PCDHA11: variants seen among roughly 807,000 people sequenced by gnomAD.
PCDHA11 encodes the protein protocadherin alpha-11.
PCDHA11 carries 61 observed loss-of-function variants against 70.3 expected under a neutral mutation model. The ratio of observed to expected loss-of-function variants is 0.87; its 90% CI spans 0.71 to 1.07. PCDHA11 has a LOEUF of 1.07. Among genes scored for constraint, PCDHA11 ranks in the 50% least tolerant of loss-of-function variants. The pLI, the probability that PCDHA11 is intolerant of heterozygous loss-of-function variation, is 0.00. For missense variants in PCDHA11, 1,324 were observed against 1,237.5 expected (o/e 1.07, Z -1.05); for synonymous variants, 633 against 555.1 (o/e 1.14, Z -1.97).
chr5:140,989,127 A>G (rs914524582), intron 3 of PCDHA11: 2 of 152,216 alleles, frequency 1.3e-5, no homozygotes, highest in Non-Finnish European at 2.9e-5. Context: ...TAGAAAAATA[A>G]GACACTTTAT....
At chr5:140,893,318 T>C (rs1329749503) in intron 1 of PCDHA11, among the ~76,000 whole-genome samples, 2 of 152,170 alleles carry the variant, frequency 1.3e-5, no homozygotes, top group African/African-American at 2.4e-5. Context: ...TTTGAGGGAC[T>C]CCCATACTGT....
rs1554225842 is a variant in PCDHA11 at position 140,962,164 on chromosome 5, C to T, written c.2392-16785C>T. Among the ~76,000 whole-genome samples the T allele has an allele frequency of 2.0e-5, 3 of 152,236 alleles. No individual in the cohort carries two copies. In the South Asian group the frequency reaches 6.2e-4, roughly 32 times the overall value. On this transcript the variant is annotated intron_variant, in intron 1 of 3. Transcript: ENST00000398640. ...TGCTGGGATTACAGGCGTGAGCCAC[C>T]ACACCCGGCCACTTATATCACTTTT...
chr5:140,921,721 C>A (rs2080351320), intron 1 of PCDHA11, among the ~76,000 whole-genome samples: 2 of 152,068 alleles, frequency 1.3e-5, no homozygotes, highest in African/African-American at 4.8e-5. Context: ...ACACGAATTA[C>A]TCCCATAAAA....
rs187844001 is a variant in PCDHA11 at position 140,981,487 on chromosome 5, T to C, written c.2451-988T>C. On this transcript the variant is annotated intron_variant, in intron 2 of 3. Coordinates refer to ENST00000398640, the MANE Select transcript of PCDHA11 (RefSeq NM_018902.5). ...TACTTGGGAGGCTGAGGCAGGAGAA[T>C]TGCTTGAACCTGGGAGGCAGAGGTT... Among the ~76,000 whole-genome samples the C allele has an allele frequency of 5.5e-3, 843 of 152,250 alleles. 8 individuals carry two copies. Among genetic ancestry groups the C allele is most frequent in the African/African-American group, 0.019 (806 of 41,542 alleles).
At chr5:140,894,717 A>G (rs1349709964) in intron 1 of PCDHA11, among the ~76,000 whole-genome samples, 1 of 151,920 alleles carries the variant, frequency 6.6e-6, no homozygotes, top group Non-Finnish European at 1.5e-5. Flanking sequence ...GTTGTTTTCA[A>G]ATATTACGTA....
intron 1 of PCDHA11, among the ~76,000 whole-genome samples, chr5:140,945,576 T>G (rs1383348275): frequency 6.6e-6 from 1 of 152,064 alleles, no homozygotes; most frequent in African/African-American, 2.4e-5. Context: ...ACTACCTGGC[T>G]TCAAAATATA....
intron 2 of PCDHA11, among the ~76,000 whole-genome samples, chr5:140,981,529 G>A (rs1014315292): frequency 3.9e-5 from 6 of 152,196 alleles, no homozygotes; most frequent in East Asian, 1.9e-4. Flanking sequence ...AGCTGAGATC[G>A]TGCCACTGTA....
chr5:140,940,510 G>T (rs1477590604), intron 1 of PCDHA11, among the ~76,000 whole-genome samples: 1 of 151,778 alleles, frequency 6.6e-6, no homozygotes, highest in Non-Finnish European at 1.5e-5. Context: ...TCGCTCAGGC[G>T]TGATCATAGC....
In PCDHA11 at chr5:141,010,896, A is replaced by G. The variant is rs1433932699; in HGVS notation, c.*959A>G. 6.5e-6 allele frequency: 1 copy of G among 153,790 alleles called. No individual in the cohort carries two copies. The highest frequency in any genetic ancestry group is 1.5e-5 in the Non-Finnish European group (1 of 68,052). The allele number at this position is 153,790 out of a possible 1,614,324, so 9.5% of individuals were successfully genotyped here. A position where few individuals can be genotyped will look rare whatever the true frequency, so the allele number is the denominator to read the frequency against. Reference sequence around the variant, plus strand: ...ATCTTTAAAGAGAAATATGAATACAATTCCCCTAAACTCTCCTCAAAAGAG... The same window carrying G: ...ATCTTTAAAGAGAAATATGAATACAGTTCCCCTAAACTCTCCTCAAAAGAG... On this transcript the variant is annotated 3_prime_UTR_variant, in exon 4 of 4. Coordinates refer to ENST00000398640, the MANE Select transcript of PCDHA11 (RefSeq NM_018902.5).
chr5:140,941,191 T>TTTTTTTC lies in PCDHA11; in HGVS notation c.2392-37755_2392-37754insTTTCTTT, dbSNP rs1554213809. ...CATCTTGAACATCCTGCTTCTTTTT[T>TTTTTTTC]TTTCTTTCTTCCTTTCTTTCTTCCT... is the stretch of plus-strand genomic sequence containing the variant. On this transcript the variant is annotated intron_variant, in intron 1 of 3. Coordinates refer to ENST00000398640, the MANE Select transcript of PCDHA11 (RefSeq NM_018902.5). Among the ~76,000 whole-genome samples, 30 of 93,254 alleles carry TTTTTTTC rather than the reference T, an allele frequency of 3.2e-4. 1 individual carries two copies. Among genetic ancestry groups the TTTTTTTC allele is most frequent in the Admixed American group, 1.8e-3 (15 of 8,146 alleles). The allele number at this position is 93,254 out of a possible 152,430, so 61.2% of individuals were successfully genotyped here.
intron 1 of PCDHA11, chr5:140,871,726 T>A (rs1412265993): frequency 1.3e-6 from 1 of 740,884 alleles, no homozygotes; most frequent in Non-Finnish European, 2.1e-6. Flanking sequence ...CTCTTAATAT[T>A]TGGTTAGCAA....
At chr5:140,982,380 C>A in intron 2 of PCDHA11, 95 bp from the exon 3 acceptor site, 1 of 1,577,206 alleles carries the variant, frequency 6.3e-7, no homozygotes, top group South Asian at 1.2e-5. Context: ...AGCTGCAGCC[C>A]TGGCTTCATA....
intron 1 of PCDHA11, among the ~76,000 whole-genome samples, chr5:140,950,750 C>T (rs1320735521): frequency 3.3e-5 from 5 of 151,928 alleles, no homozygotes; most frequent in Non-Finnish European, 7.4e-5. Flanking sequence ...TCTCTCTATC[C>T]TTTCTGGACT....
At chr5:140,989,810 AT>A (rs2097361628) in intron 3 of PCDHA11, among the ~76,000 whole-genome samples, 1 of 152,192 alleles carries the variant, frequency 6.6e-6, no homozygotes, top group Non-Finnish European at 1.5e-5. Context: ...GGGCCATAAG[AT>A]TGGTCACTGC....
At chr5:140,983,138 G>C (rs1217034245) in intron 3 of PCDHA11, among the ~76,000 whole-genome samples, 1 of 152,170 alleles carries the variant, frequency 6.6e-6, no homozygotes, top group Non-Finnish European at 1.5e-5. Flanking sequence ...CTGACTTTTA[G>C]TGCCTTGGCA....
chr5:140,876,819 C>G (rs781959784), intron 1 of PCDHA11: 4 of 1,614,180 alleles, frequency 2.5e-6, no homozygotes, highest in Non-Finnish European at 3.4e-6. Context: ...CCGACGTGAA[C>G]GACAATGCGC....
At chr5:140,967,749 C>T (rs1554229896) in intron 1 of PCDHA11, 1 of 1,614,172 alleles carries the variant, frequency 6.2e-7, no homozygotes, top group African/African-American at 1.3e-5. Context: ...TATGAGGAAG[C>T]CTCCTCCTAC....
At chr5:140,955,312 C>T (rs1022804259) in intron 1 of PCDHA11, among the ~76,000 whole-genome samples, 2 of 152,100 alleles carry the variant, frequency 1.3e-5, no homozygotes, top group Admixed American at 6.6e-5. Flanking sequence ...ACCCAAATCT[C>T]ACCTTGAATT....
At chr5:140,969,087 T>C (rs146741684) in intron 1 of PCDHA11, 741 of 1,613,920 alleles carry the variant, frequency 4.6e-4, no homozygotes, top group Non-Finnish European at 5.8e-4. Flanking sequence ...GGCCTCAAAG[T>C]GCAGCCTCAC....
Sources: allele counts gnomAD v4.1 joint callset (sites outside exome capture counted in the v4.1 genomes callset), GRCh38; gene constraint gnomAD v4.1.1; transcripts MANE v1.5; gene names NCBI Gene and HGNC (gene_info 2026-07-23, HGNC 2026-07-21).